Variants in CRTAC1 observed in about 807,000 individuals in gnomAD.
The protein encoded by CRTAC1 is cartilage acidic protein 1, also known as acidic secreted protein in cartilage.
CRTAC1 carries 37 observed loss-of-function variants against 67.8 expected under a neutral mutation model. That is an observed-to-expected ratio of 0.55 (90% CI 0.42 to 0.72). The LOEUF (loss-of-function observed/expected upper bound fraction) is 0.72. Among genes scored for constraint, CRTAC1 ranks in the 30% least tolerant of loss-of-function variants. CRTAC1 has a pLI of 0.00. For missense variants in CRTAC1, 780 were observed against 931.6 expected (o/e 0.84, Z 2.12); for synonymous variants, 348 against 371.0 (o/e 0.94, Z 0.71).
chr10:97,936,416 C>T lies in CRTAC1; in HGVS notation c.225-50G>A, dbSNP rs200650441. On this transcript the variant is annotated intron_variant, in intron 2 of 14. Coordinates refer to ENST00000370597, the MANE Select transcript of CRTAC1 (RefSeq NM_018058.7). ...GCTGGGGAGGAGCCGCTGGGCCCAC[C>T]CAGTCCCATCCAACCAGAGCAACGG... is the stretch of plus-strand genomic sequence containing the variant. 1,284 of 1,474,224 alleles carry T rather than the reference C, an allele frequency of 8.7e-4. 24 individuals are homozygous for T. The South Asian group carries it at 0.013, about 15-fold the overall frequency. 91.3% of individuals were successfully genotyped at this position (1,474,224 alleles called of 1,614,324 possible).
chr10:98,007,323 T>C (rs1424630657), intron 2 of CRTAC1, among the ~76,000 whole-genome samples: 1 of 152,212 alleles, frequency 6.6e-6, no homozygotes, highest in Non-Finnish European at 1.5e-5. Context: ...GATTTAAATA[T>C]GTCTGTATAG....
At chr10:97,894,375 T>C (rs1267857325) in intron 11 of CRTAC1, among the ~76,000 whole-genome samples, 1 of 151,960 alleles carries the variant, frequency 6.6e-6, no homozygotes, top group African/African-American at 2.4e-5. Flanking sequence ...TATCTGTTCA[T>C]GTGCTATATG....
chr10:97,884,370 G>C lies in CRTAC1; in HGVS notation c.1487-19C>G, dbSNP rs1029322386. 8 of 1,549,846 alleles carry C rather than the reference G, an allele frequency of 5.2e-6. No individual in the cohort carries two copies. The African/African-American group carries it at 5.5e-5, about 11-fold the overall frequency. On this transcript the variant is annotated intron_variant, in intron 11 of 14. Coordinates refer to ENST00000370597, the MANE Select transcript of CRTAC1 (RefSeq NM_018058.7). The stretch of plus-strand genomic sequence containing the variant: ...TCCTTCCCTGAGGGGCAGAAGGAGA[G>C]AGCATCAGCAGCAGAGGAGAGCAGG...
At chr10:98,015,805 A>G (rs1353113654) in intron 1 of CRTAC1, among the ~76,000 whole-genome samples, 1 of 152,216 alleles carries the variant, frequency 6.6e-6, no homozygotes, top group Non-Finnish European at 1.5e-5. Context: ...ACAAGATTCT[A>G]TATTTCTAAC....
At chr10:98,003,709 T>A (rs1842735035) in intron 2 of CRTAC1, among the ~76,000 whole-genome samples, 1 of 152,218 alleles carries the variant, frequency 6.6e-6, no homozygotes, top group Non-Finnish European at 1.5e-5. Context: ...GTTCTGGGGA[T>A]TAGGATGTGG....
rs71007373 is a variant in CRTAC1, at chr10:98,018,199, CAAAAAAAAAAA to C, written c.25-6873_25-6863del. Among the ~76,000 whole-genome samples the C allele has an allele frequency of 5.1e-4, 25 of 48,632 alleles. No homozygotes were observed. The East Asian group carries it at 9.5e-3, about 19-fold the overall frequency. 31.9% of individuals were successfully genotyped at this position (48,632 alleles called of 152,430 possible). The stretch of plus-strand genomic sequence containing the variant: ...TCTGGGTGACAGAGCAAGATGCCCG[CAAAAAAAAAAA>C]AAAAAAAAAAAAAAAAAAAAAAGAG... On this transcript the variant is annotated intron_variant, in intron 1 of 14. Coordinates refer to ENST00000370597, the MANE Select transcript of CRTAC1 (RefSeq NM_018058.7).
intron 2 of CRTAC1, among the ~76,000 whole-genome samples, chr10:97,978,353 C>A (rs1403518624): frequency 6.6e-6 from 1 of 152,308 alleles, no homozygotes; most frequent in Admixed American, 6.5e-5. Flanking sequence ...GGTAGCGTTC[C>A]TTTACCCCCT....
chr10:97,904,592 G>A, intron 7 of CRTAC1, 77 bp downstream of exon 7: 2 of 1,406,722 alleles, frequency 1.4e-6, no homozygotes, highest in South Asian at 3.3e-5. Flanking sequence ...GCCAATTTTT[G>A]GTATTTTTAG....
At chr10:98,021,543 G>A (rs1184288427) in intron 1 of CRTAC1, among the ~76,000 whole-genome samples, 1 of 152,178 alleles carries the variant, frequency 6.6e-6, no homozygotes, top group Non-Finnish European at 1.5e-5. Flanking sequence ...CAGACTTCCC[G>A]TTCTGTAAAA....
intron 9 of CRTAC1, among the ~76,000 whole-genome samples, chr10:97,896,664 TC>T (rs1340757732): frequency 1.3e-5 from 2 of 151,960 alleles, no homozygotes; most frequent in African/African-American, 4.8e-5. Flanking sequence ...AGATTCCCAT[TC>T]CCCCACCCCC....
At chr10:97,984,716 T>C (rs544429854) in intron 2 of CRTAC1, among the ~76,000 whole-genome samples, 12 of 152,304 alleles carry the variant, frequency 7.9e-5, no homozygotes, top group African/African-American at 2.9e-4. Context: ...CAGACCCCTC[T>C]GTAAAGACAA....
chr10:97,896,013 G>T (rs2050453462), intron 9 of CRTAC1, 28 bp from the exon 10 acceptor site: 1 of 1,598,642 alleles, frequency 6.3e-7, no homozygotes, highest in African/African-American at 1.3e-5. Flanking sequence ...TTCACCTCTG[G>T]CCGTAATCCA....
intron 11 of CRTAC1, among the ~76,000 whole-genome samples, chr10:97,891,015 T>A (rs192175596): frequency 6.6e-6 from 1 of 152,308 alleles, no homozygotes; most frequent in Admixed American, 6.5e-5. Flanking sequence ...TTTTATATAT[T>A]TACCTATTTA....
intron 1 of CRTAC1, among the ~76,000 whole-genome samples, chr10:98,024,612 T>C (rs1590303684): frequency 6.6e-6 from 1 of 152,204 alleles, no homozygotes; most frequent in East Asian, 1.9e-4. Flanking sequence ...CTGGAATTTT[T>C]CCAAGAAGTA....
At chr10:98,015,646 T>A (rs1842983584) in intron 1 of CRTAC1, among the ~76,000 whole-genome samples, 1 of 152,222 alleles carries the variant, frequency 6.6e-6, no homozygotes, top group South Asian at 2.1e-4. Context: ...GGATATCAGA[T>A]TTTTAAAAGC....
intron 2 of CRTAC1, among the ~76,000 whole-genome samples, chr10:97,966,285 T>C (rs1296740136): frequency 6.6e-6 from 1 of 152,232 alleles, no homozygotes; most frequent in Non-Finnish European, 1.5e-5. Flanking sequence ...AATTTTTGTA[T>C]TTTTAGTACA....
intron 2 of CRTAC1, among the ~76,000 whole-genome samples, chr10:97,995,739 C>T (rs1842551695): frequency 6.6e-6 from 1 of 152,150 alleles, no homozygotes; most frequent in Non-Finnish European, 1.5e-5. Flanking sequence ...TATTACTAAT[C>T]CTTGAACTGG....
At chr10:97,955,349 T>G (rs1365399870) in intron 2 of CRTAC1, among the ~76,000 whole-genome samples, 1 of 152,204 alleles carries the variant, frequency 6.6e-6, no homozygotes, top group Non-Finnish European at 1.5e-5. Flanking sequence ...ATTTCTATGT[T>G]AGGATACTGC....
intron 2 of CRTAC1, among the ~76,000 whole-genome samples, chr10:97,976,657 C>T (rs1057001684): frequency 1.3e-5 from 2 of 152,204 alleles, no homozygotes; most frequent in African/African-American, 4.8e-5. Flanking sequence ...CGATCCATTG[C>T]CACTGCTTCC....
Sources: allele counts gnomAD v4.1 joint callset (sites outside exome capture counted in the v4.1 genomes callset), GRCh38; gene constraint gnomAD v4.1.1; transcripts MANE v1.5; gene names NCBI Gene and HGNC (gene_info 2026-07-23, HGNC 2026-07-21).